COX7B2: variants seen among roughly 807,000 people sequenced by gnomAD.
COX7B2 encodes the protein cytochrome c oxidase subunit 7B2.
For synonymous variants in COX7B2, 37 were observed against 32.1 expected (o/e 1.15, Z -0.51); for missense variants, 109 against 95.9 (o/e 1.14, Z -0.57).
At position 46,757,550 on chromosome 4, in the gene COX7B2, C is replaced by T. The variant is rs550098614; in HGVS notation, c.-49-22309G>A. Among the ~76,000 whole-genome samples the T allele has an allele frequency of 9.2e-5, 14 of 152,168 alleles. No individual in the cohort carries two copies. The East Asian group carries it at 2.3e-3, about 25-fold the overall frequency. ...CCTTTTGCAAGCCAAAGATCTTTAC[C>T]AATTTGTCTTACTTCTACAAAATCT... On this transcript the variant is annotated intron_variant, in intron 2 of 2. Transcript: ENST00000355591.
intron 2 of COX7B2, among the ~76,000 whole-genome samples, chr4:46,833,321 A>G (rs995513644): frequency 2.0e-5 from 3 of 152,252 alleles, no homozygotes; most frequent in Non-Finnish European, 4.4e-5. Flanking sequence ...AAGTGAGCAT[A>G]TATCTTTCAC....
intron 1 of COX7B2, among the ~76,000 whole-genome samples, chr4:46,886,808 A>C (rs1719110679): frequency 6.6e-6 from 1 of 152,244 alleles, no homozygotes; most frequent in South Asian, 2.1e-4. Flanking sequence ...CTTTCAGATA[A>C]TAAATTGGTG....
intron 1 of COX7B2, among the ~76,000 whole-genome samples, chr4:46,856,085 A>G (rs754841690): frequency 1.3e-4 from 19 of 151,976 alleles, no homozygotes; most frequent in Non-Finnish European, 2.6e-4. Context: ...CTCTACTAGA[A>G]ATACAAAAAT....
At chr4:46,837,397 G>A (rs2109745755) in intron 2 of COX7B2, among the ~76,000 whole-genome samples, 1 of 151,978 alleles carries the variant, frequency 6.6e-6, no homozygotes, top group African/African-American at 2.4e-5. Flanking sequence ...TGTATGCTAA[G>A]TGAAATAAGC....
intron 2 of COX7B2, among the ~76,000 whole-genome samples, chr4:46,786,526 G>A (rs1717760763): frequency 6.6e-6 from 1 of 152,130 alleles, no homozygotes; most frequent in African/African-American, 2.4e-5. Context: ...TTTTTCTCAT[G>A]TATAATAGTC....
rs151130183 is a variant in COX7B2 at position 46,853,756 on chromosome 4, A to T, written c.-104-8742T>A. ...ATATATAAAATAGTACTATAATTAT[A>T]AAGTTAGTTATAGAAAGAGATATAT... On this transcript the variant is annotated intron_variant, in intron 1 of 2. Transcript: ENST00000355591. Among the ~76,000 whole-genome samples, 244 of 152,238 alleles carry T rather than the reference A, an allele frequency of 1.6e-3. 2 individuals are homozygous for T. The highest frequency in any genetic ancestry group is 5.8e-3 in the African/African-American group (240 of 41,574).
intron 2 of COX7B2, among the ~76,000 whole-genome samples, chr4:46,777,215 A>T (rs902021466): frequency 1.3e-5 from 2 of 152,164 alleles, no homozygotes; most frequent in Admixed American, 1.3e-4. Flanking sequence ...AGACCAAAAA[A>T]ATTCCATGAG....
At chr4:46,757,150 C>A (rs913770580) in intron 2 of COX7B2, among the ~76,000 whole-genome samples, 3 of 151,984 alleles carry the variant, frequency 2.0e-5, no homozygotes, top group African/African-American at 4.8e-5. Flanking sequence ...GAAAGAATGT[C>A]TTTTGCAGCA....
intron 2 of COX7B2, among the ~76,000 whole-genome samples, chr4:46,745,834 G>A (rs747899995): frequency 5.1e-4 from 78 of 152,104 alleles, no homozygotes; most frequent in Admixed American, 7.9e-4. Context: ...TTTTTGTTTT[G>A]AAATCCTACA....
intron 2 of COX7B2, among the ~76,000 whole-genome samples, chr4:46,771,281 A>G (rs1309060164): frequency 6.6e-6 from 1 of 152,202 alleles, no homozygotes; most frequent in Non-Finnish European, 1.5e-5. Flanking sequence ...CAGACCCATT[A>G]GGATGGCTAT....
intron 2 of COX7B2, among the ~76,000 whole-genome samples, chr4:46,781,546 G>A (rs914987048): frequency 1.3e-5 from 2 of 152,312 alleles, no homozygotes; most frequent in South Asian, 2.1e-4. Context: ...TGCTCTCAGC[G>A]CCTCCTTGGC....
intron 2 of COX7B2, among the ~76,000 whole-genome samples, chr4:46,844,355 T>C (rs1283552473): frequency 6.6e-6 from 1 of 151,886 alleles, no homozygotes. Flanking sequence ...CGGTCATGGA[T>C]AAGGACAAGA....
intron 1 of COX7B2, among the ~76,000 whole-genome samples, chr4:46,906,214 A>G (rs950969674): frequency 6.6e-6 from 1 of 152,136 alleles, no homozygotes; most frequent in Non-Finnish European, 1.5e-5. Flanking sequence ...CCCCTCAGGG[A>G]GGGTCTCCTC....
chr4:46,759,852 A>T (rs868050977), intron 2 of COX7B2, among the ~76,000 whole-genome samples: 2 of 149,436 alleles, frequency 1.3e-5, no homozygotes, highest in African/African-American at 4.9e-5. Context: ...TATATAAGTC[A>T]TATCTTATAT....
At position 46,884,883 on chromosome 4, in the gene COX7B2, CT is replaced by C. The variant is rs112432697; in HGVS notation, c.-105+24276del. Reference sequence around the variant, plus strand: ...TCAAACAATCTATTTGATCTGTTTGCTTTTTTTTTTTTATTATGCTAGCATT... The same window carrying C: ...TCAAACAATCTATTTGATCTGTTTGCTTTTTTTTTTTATTATGCTAGCATT... On this transcript the variant is annotated intron_variant, in intron 1 of 2. Transcript: ENST00000355591. Among the ~76,000 whole-genome samples the C allele has an allele frequency of 8.3e-3, 1,176 of 141,320 alleles. 4 individuals are homozygous for C. Among genetic ancestry groups the C allele is most frequent in the African/African-American group, 0.021 (811 of 38,904 alleles). The allele number at this position is 141,320 out of a possible 152,430, so 92.7% of individuals were successfully genotyped here. A position where few individuals can be genotyped will look rare whatever the true frequency, so the allele number is the denominator to read the frequency against.
intron 1 of COX7B2, among the ~76,000 whole-genome samples, chr4:46,901,699 T>TG (rs1720079749): frequency 1.3e-5 from 2 of 152,188 alleles, no homozygotes; most frequent in Non-Finnish European, 2.9e-5. Flanking sequence ...GCCAATCTAT[T>TG]GGGGGTCCAA....
chr4:46,776,483 G>T (rs902085030), intron 2 of COX7B2, among the ~76,000 whole-genome samples: 8 of 151,860 alleles, frequency 5.3e-5, no homozygotes, highest in African/African-American at 1.9e-4. Flanking sequence ...CATGTGAAGA[G>T]TGTCAGACTG....
At chr4:46,885,985 CA>C (rs894537187) in intron 1 of COX7B2, among the ~76,000 whole-genome samples, 23 of 152,194 alleles carry the variant, frequency 1.5e-4, no homozygotes, top group African/African-American at 3.9e-4. Context: ...ACCATGCAGA[CA>C]TTTTACTGCC....
At chr4:46,803,550 A>G (rs1718782198) in intron 2 of COX7B2, among the ~76,000 whole-genome samples, 1 of 152,156 alleles carries the variant, frequency 6.6e-6, no homozygotes, top group Middle Eastern at 3.4e-3. Flanking sequence ...AAGAGTCTCA[A>G]ACTATGTAAT....
Sources: gnomAD v4.1 joint callset for allele counts (sites outside exome capture counted in the v4.1 genomes callset) on GRCh38, gnomAD v4.1.1 for gene constraint, MANE v1.5 for transcripts, NCBI Gene and HGNC (gene_info 2026-07-23, HGNC 2026-07-21) for gene names.